The following CC2D2A variants were observed in gnomAD, a reference collection of about 807,000 sequenced individuals.
CC2D2A encodes coiled-coil and C2 domain-containing protein 2A.
Under a neutral mutation model 212.9 loss-of-function variants are expected in CC2D2A, and 155 were observed. The ratio of observed to expected loss-of-function variants is 0.73; its 90% CI spans 0.64 to 0.83. CC2D2A has a LOEUF of 0.83. Ranked by LOEUF, CC2D2A falls within the 40% of genes least tolerant of loss-of-function variation. CC2D2A has a pLI of 0.00. For synonymous variants in CC2D2A, 667 were observed against 686.5 expected, an observed-to-expected ratio of 0.97 and a Z score of 0.44; for missense variants, 1,856 against 1,956.2, an observed-to-expected ratio of 0.95 and a Z score of 0.97.
chr4:15,476,001 A>T (rs1341997626), intron 2 of CC2D2A, 30 bp downstream of exon 2: 2 of 1,576,962 alleles, frequency 1.3e-6, no homozygotes, highest in Non-Finnish European at 8.6e-7. Flanking sequence ...TCCTCTAGGG[A>T]TGTGTTTGTG....
chr4:15,527,374 A>G (rs1717561739), intron 11 of CC2D2A, 73 bp from the exon 12 acceptor site: 1 of 1,130,300 alleles, frequency 8.8e-7, no homozygotes. Context: ...CCGTTTTCCC[A>G]TTGTGGATTA....
At chr4:15,524,423 A>C (rs1303202130) in intron 11 of CC2D2A, among the ~76,000 whole-genome samples, 1 of 141,646 alleles carries the variant, frequency 7.1e-6, no homozygotes, top group Non-Finnish European at 1.5e-5. Flanking sequence ...GAGCCACTGC[A>C]CTCGGCCTTC....
rs151124632 is a variant in CC2D2A at position 15,582,057 on chromosome 4, G to A, written c.3975+1886G>A. Among the ~76,000 whole-genome samples the A allele has an allele frequency of 2.0e-3, 299 of 152,218 alleles. 5 individuals carry two copies. The highest frequency in any genetic ancestry group is 8.8e-4 in the Non-Finnish European group (60 of 67,998). ...TGGATGTAAAATATAACATAGACATGTTTAATATATTTAAGAAATTTGGGG... is the reference window on the plus strand; with the variant it reads ...TGGATGTAAAATATAACATAGACATATTTAATATATTTAAGAAATTTGGGG... On this transcript the variant is annotated intron_variant, in intron 30 of 36. Transcript: ENST00000424120.
rs376667684 is a variant in CC2D2A at position 15,527,670 on chromosome 4, C to A, written c.1359+14C>A. 6.4e-7 allele frequency: 1 copy of A among 1,573,726 alleles called. No homozygotes were observed. The highest frequency in any genetic ancestry group is 8.7e-7 in the Non-Finnish European group (1 of 1,154,966). On this transcript the variant is annotated intron_variant, in intron 12 of 36. Coordinates refer to ENST00000424120, the MANE Select transcript of CC2D2A (RefSeq NM_001378615.1). ...CTTACTGATAAGGTACATGTGATTT[C>A]TTCCATAATGATTGTCAATGGAGTT... is the stretch of plus-strand genomic sequence containing the variant.
chr4:15,486,923 T>C (rs561509942), intron 4 of CC2D2A, among the ~76,000 whole-genome samples: 12 of 152,154 alleles, frequency 7.9e-5, no homozygotes, highest in Non-Finnish European at 1.8e-4. Context: ...CTGGAGTGTA[T>C]TGTTTAATTT....
At chr4:15,594,648 G>C (rs1252707216) in intron 33 of CC2D2A, among the ~76,000 whole-genome samples, 1 of 152,174 alleles carries the variant, frequency 6.6e-6, no homozygotes, top group Non-Finnish European at 1.5e-5. Flanking sequence ...AAAAGTCAAG[G>C]AGTGCAAAAG....
chr4:15,582,975 A>T (rs937657272), intron 30 of CC2D2A, among the ~76,000 whole-genome samples: 3 of 152,192 alleles, frequency 2.0e-5, no homozygotes, highest in African/African-American at 2.4e-5. Context: ...ATAATATATT[A>T]AAAAAATAAT....
intron 14 of CC2D2A, among the ~76,000 whole-genome samples, chr4:15,535,500 C>T (rs1418631669): frequency 6.6e-6 from 1 of 151,886 alleles, no homozygotes; most frequent in African/African-American, 2.4e-5. Flanking sequence ...TTCATCTAGC[C>T]ACCTTATAAT....
chr4:15,559,038 A>T, intron 21 of CC2D2A, 127 bp from the exon 22 acceptor site: 1 of 682,766 alleles, frequency 1.5e-6, no homozygotes, highest in Non-Finnish European at 2.5e-6. Context: ...ACCAAAAGTT[A>T]GGAAGAAGGT....
In CC2D2A at chr4:15,601,527, T is replaced by C. The variant is rs1721601763; in HGVS notation, c.*102T>C. 1 of 721,658 alleles carries C rather than the reference T, an allele frequency of 1.4e-6. No homozygotes were observed. The highest frequency in any genetic ancestry group is 2.1e-6 in the Non-Finnish European group (1 of 469,126). 44.7% of individuals were successfully genotyped at this position (721,658 alleles called of 1,614,324 possible). A position where few individuals can be genotyped will look rare whatever the true frequency, so the allele number is the denominator to read the frequency against. ...ATCAGAAGAACATATTATTGGCAAA[T>C]AATAAAATTATCAACTGTTTTCAAA... On this transcript the variant is annotated 3_prime_UTR_variant, in exon 37 of 37. Transcript: ENST00000424120.
Position 15,494,089 on chromosome 4 carries a change from T to C in CC2D2A, c.248-8340T>C, listed in dbSNP as rs73799890. ...ACAATGGGGAAGACTCAATCCTAAG[T>C]AGAAACTCCATGTCAAAATATATCT... On this transcript the variant is annotated intron_variant, in intron 4 of 36. Transcript: ENST00000424120. Among the ~76,000 whole-genome samples the C allele has an allele frequency of 5.2e-3, 792 of 152,300 alleles. 9 individuals carry two copies. Among genetic ancestry groups the C allele is most frequent in the African/African-American group, 0.018 (754 of 41,562 alleles).
Position 15,536,944 on chromosome 4 carries a change from T to C in CC2D2A, c.1632T>C (p.Asp544=). Residue 544 remains aspartate (D), a synonymous_variant, in exon 15 of 37, where the codon GAT becomes GAC. Transcript: ENST00000424120. ...GGGAAAAAGCTGACCAGAAAGCAGATGAAGAAGCATATGAAGCAGAAATTC... is the reference window on the plus strand; with the variant it reads ...GGGAAAAAGCTGACCAGAAAGCAGACGAAGAAGCATATGAAGCAGAAATTC... ...LRKEKADQKA[D]EEAYEAEIQA... 6.2e-7 allele frequency: 1 copy of C among 1,613,810 alleles called. No individual in the cohort carries two copies. Among genetic ancestry groups the C allele is most frequent in the South Asian group, 1.1e-5 (1 of 91,046 alleles).
intron 16 of CC2D2A, among the ~76,000 whole-genome samples, chr4:15,538,581 G>A (rs903407556): frequency 2.6e-5 from 4 of 152,026 alleles, no homozygotes; most frequent in Admixed American, 1.3e-4. Flanking sequence ...GCTGCTCCAG[G>A]GATCAGCTTT....
intron 7 of CC2D2A, 60 bp downstream of exon 7, chr4:15,510,300 G>A: frequency 6.9e-7 from 1 of 1,440,418 alleles, no homozygotes; most frequent in Non-Finnish European, 9.7e-7. Flanking sequence ...AATATCCAAT[G>A]ACACATGACT....
chr4:15,567,643 C>A, intron 25 of CC2D2A, 34 bp from the exon 26 acceptor site: 2 of 1,478,142 alleles, frequency 1.4e-6, no homozygotes, highest in South Asian at 2.5e-5. Context: ...TTTGACTAAC[C>A]ATTGGGAACT....
chr4:15,597,324 A>C (rs1427183478), intron 34 of CC2D2A, 83 bp from the exon 35 acceptor site: 11 of 1,004,812 alleles, frequency 1.1e-5, no homozygotes, highest in Non-Finnish European at 1.7e-5. Context: ...CTGAGATTTC[A>C]TTGATTTTTA....
intron 1 of CC2D2A, among the ~76,000 whole-genome samples, chr4:15,475,348 G>A (rs2108964922): frequency 6.6e-6 from 1 of 152,248 alleles, no homozygotes; most frequent in South Asian, 2.1e-4. Context: ...CCACTGGTAG[G>A]AATGAGCCAA....
chr4:15,518,751 T>C (rs1444230427), intron 11 of CC2D2A, among the ~76,000 whole-genome samples: 4 of 152,360 alleles, frequency 2.6e-5, no homozygotes, highest in Admixed American at 6.5e-5. Context: ...GACTTGGGCT[T>C]GCACCCTCTA....
At chr4:15,502,591 T>C in intron 5 of CC2D2A, 74 bp downstream of exon 5, 1 of 1,279,588 alleles carries the variant, frequency 7.8e-7, no homozygotes, top group South Asian at 1.4e-5. Flanking sequence ...TTACTTTTTA[T>C]GCTCCAAACT....
Sources: gnomAD v4.1 joint callset for allele counts (sites outside exome capture counted in the v4.1 genomes callset) on GRCh38, gnomAD v4.1.1 for gene constraint, MANE v1.5 for transcripts, NCBI Gene and HGNC (gene_info 2026-07-23, HGNC 2026-07-21) for gene names.